The following ZBBX variants were observed in gnomAD, a reference collection of about 807,000 sequenced individuals.
ZBBX encodes the protein zinc finger B-box domain containing, also known as zinc finger B-box domain-containing protein 1.
Under a neutral mutation model 108.5 loss-of-function variants are expected in ZBBX, and 101 were observed. The observed-to-expected ratio is 0.93, with a 90% CI of 0.79 to 1.10. ZBBX has a LOEUF of 1.10. ZBBX is among the 50% of genes least tolerant of loss of function. ZBBX has a pLI of 0.00. For synonymous variants in ZBBX, 356 were observed against 323.4 expected, an observed-to-expected ratio of 1.10 and a Z score of -1.08; for missense variants, 1,009 against 941.4, an observed-to-expected ratio of 1.07 and a Z score of -0.94.
In ZBBX at chr3:167,334,129, G is replaced by A. The variant is rs1739142878; in HGVS notation, c.529-144C>T. On this transcript the variant is annotated intron_variant, in intron 9 of 21. Coordinates refer to ENST00000675490, the MANE Select transcript of ZBBX (RefSeq NM_001199201.2). ...TATTTAAAAAGACAAATTGGCATTT[G>A]TATCAACAAGTATAATAGTGACAGC... The A allele has an allele frequency of 5.0e-6, 3 of 604,768 alleles. No individual in the cohort carries two copies. The Admixed American group carries it at 1.1e-4, about 21-fold the overall frequency. 37.5% of individuals were successfully genotyped at this position (604,768 alleles called of 1,614,324 possible).
At chr3:167,310,843 T>A (rs1301989606) in intron 16 of ZBBX, among the ~76,000 whole-genome samples, 1 of 152,168 alleles carries the variant, frequency 6.6e-6, no homozygotes, top group Non-Finnish European at 1.5e-5. Context: ...ATTAAAGAAA[T>A]CAAAATTCTA....
chr3:167,295,691 T>A, intron 18 of ZBBX, among the ~76,000 whole-genome samples: 1 of 105,194 alleles, frequency 9.5e-6, no homozygotes, highest in South Asian at 3.0e-4. Context: ...AAAAAAATCA[T>A]GAAGAAACAA....
At chr3:167,321,130 T>C (rs1466089681) in intron 12 of ZBBX, among the ~76,000 whole-genome samples, 1 of 151,994 alleles carries the variant, frequency 6.6e-6, no homozygotes, top group East Asian at 1.9e-4. Context: ...TGAATGTTAT[T>C]TGGGAATTCT....
chr3:167,215,929 T>C, the ZBBX span, among the ~76,000 whole-genome samples: 4 of 152,270 alleles, frequency 2.6e-5, no homozygotes, highest in African/African-American at 7.2e-5. Context: ...AAATTCAACA[T>C]TGATTCATGT....
chr3:167,376,152 A>G (rs1019791701), intron 2 of ZBBX, among the ~76,000 whole-genome samples: 8 of 152,224 alleles, frequency 5.3e-5, no homozygotes, highest in Non-Finnish European at 7.3e-5. Context: ...TCAACAAGAA[A>G]TAAAGATACC....
At chr3:167,354,462 TAAA>T (rs1474013967) in intron 8 of ZBBX, among the ~76,000 whole-genome samples, 1 of 151,866 alleles carries the variant, frequency 6.6e-6, no homozygotes, top group East Asian at 1.9e-4. Context: ...TGTGATTAGC[TAAA>T]AGATGATGGA....
At chr3:167,406,256 A>G (rs1290084196) in intron 1 of ZBBX, among the ~76,000 whole-genome samples, 2 of 152,254 alleles carry the variant, frequency 1.3e-5, no homozygotes, top group Non-Finnish European at 2.9e-5. Context: ...ATAAACATTT[A>G]AAGGCAATTT....
chr3:167,258,537 A>C (rs1723916572), intron 20 of ZBBX, among the ~76,000 whole-genome samples: 1 of 149,232 alleles, frequency 6.7e-6, no homozygotes, highest in African/African-American at 2.6e-5. Flanking sequence ...GGACTTCAGT[A>C]CTATGTTGAA....
intron 2 of ZBBX, among the ~76,000 whole-genome samples, chr3:167,376,754 C>A (rs1747023936): frequency 6.6e-6 from 1 of 152,102 alleles, no homozygotes. Context: ...GGCTTCTTCT[C>A]AATTACATAT....
At position 167,264,910 on chromosome 3, in the gene ZBBX, C is replaced by G. The variant is rs12490259; in HGVS notation, c.2254+17328G>C. On this transcript the variant is annotated intron_variant, in intron 20 of 21. Transcript: ENST00000675490. ...ACCACCAATGTTTGCCTAAAGCCCA[C>G]GGGCTCTTCCATCGGCTTATGATGA... Among the ~76,000 whole-genome samples, 37 of 152,138 alleles carry G rather than the reference C, an allele frequency of 2.4e-4. 1 individual carries two copies. Among genetic ancestry groups the G allele is most frequent in the Admixed American group, 9.2e-4 (14 of 15,286 alleles).
In ZBBX at chr3:167,359,868, AC is replaced by A; in HGVS notation, c.432+1del. The A allele has an allele frequency of 1.4e-6, 2 of 1,438,332 alleles. No individual in the cohort carries two copies. The highest frequency in any genetic ancestry group is 1.9e-5 in the Admixed American group (1 of 54,002). The allele number at this position is 1,438,332 out of a possible 1,614,324, so 89.1% of individuals were successfully genotyped here. ...TGTATATATACTATATAACGTACAT[AC>A]CAGTAGAGCAGCTTTGTTCTCACAC... On this transcript the variant is annotated splice_donor_variant, in intron 8 of 21. Transcript: ENST00000675490. LOFTEE classifies it high-confidence loss of function.
chr3:167,194,553 G>A, the ZBBX span, among the ~76,000 whole-genome samples: 1 of 152,158 alleles, frequency 6.6e-6, no homozygotes, highest in South Asian at 2.1e-4. Flanking sequence ...TGAGAAGTAT[G>A]TAAAACTGAG....
At chr3:167,400,437 T>C (rs779464066) in intron 1 of ZBBX, among the ~76,000 whole-genome samples, 1 of 152,186 alleles carries the variant, frequency 6.6e-6, no homozygotes, top group Non-Finnish European at 1.5e-5. Context: ...GGTTTTGATT[T>C]ACATTTCGCT....
downstream of ZBBX, among the ~76,000 whole-genome samples, chr3:167,238,009 T>C (rs1295926144): frequency 2.6e-5 from 4 of 151,942 alleles, no homozygotes; most frequent in African/African-American, 4.8e-5. Context: ...AGCACTGGTA[T>C]AAATCAAACC....
chr3:167,300,028 CCTA>C (rs1367951796), intron 17 of ZBBX, among the ~76,000 whole-genome samples: 1 of 152,080 alleles, frequency 6.6e-6, no homozygotes, highest in Non-Finnish European at 1.5e-5. Context: ...TTGGCCATCT[CCTA>C]TAATAAGATG....
chr3:167,279,217 G>C (rs1442350464), intron 20 of ZBBX, among the ~76,000 whole-genome samples: 1 of 152,128 alleles, frequency 6.6e-6, no homozygotes, highest in Non-Finnish European at 1.5e-5. Flanking sequence ...CACCACTCCT[G>C]TTCAACATAG....
At chr3:167,182,867 C>G in the ZBBX span, among the ~76,000 whole-genome samples, 1 of 152,280 alleles carries the variant, frequency 6.6e-6, no homozygotes, top group African/African-American at 2.4e-5. Context: ...GGAAAAGGCT[C>G]AAATGTAGCT....
chr3:167,250,336 AC>A (rs947551927), intron 20 of ZBBX, among the ~76,000 whole-genome samples: 6 of 152,192 alleles, frequency 3.9e-5, no homozygotes, highest in Admixed American at 3.9e-4. Flanking sequence ...GCTAAAAGAT[AC>A]GGCAAGAACA....
At chr3:167,297,665 G>C (rs78833411) in intron 18 of ZBBX, among the ~76,000 whole-genome samples, 7,632 of 151,774 alleles carry the variant, frequency 0.05, 515 homozygotes, top group African/African-American at 0.15. Flanking sequence ...AATATAATAA[G>C]GAACTCCTAT....
Sources: allele counts gnomAD v4.1 joint callset (sites outside exome capture counted in the v4.1 genomes callset), GRCh38; gene constraint gnomAD v4.1.1; transcripts MANE v1.5; gene names NCBI Gene and HGNC (gene_info 2026-07-23, HGNC 2026-07-21).